JAKMIP1: variants seen among roughly 807,000 people sequenced by gnomAD.
The protein encoded by JAKMIP1 is janus kinase and microtubule interacting protein 1, also known as janus kinase and microtubule-interacting protein 1.
A neutral mutation model predicts 113.0 loss-of-function variants in JAKMIP1; 33 were observed. That is an observed-to-expected ratio of 0.29 (90% CI 0.22 to 0.39). JAKMIP1 has a LOEUF of 0.39. Ranked by LOEUF, JAKMIP1 falls within the 10% of genes least tolerant of loss-of-function variation. The probability of loss-of-function intolerance (pLI) is 1.00; values close to 1 mark genes in which losing one functional copy is unlikely to be tolerated. For synonymous variants in JAKMIP1, 480 were observed against 459.9 expected (o/e 1.04, Z -0.56); for missense variants, 813 against 1,080.5 (o/e 0.75, Z 3.47).
chr4:6,165,069 T>C (rs1049073033), intron 1 of JAKMIP1, among the ~76,000 whole-genome samples: 2 of 152,216 alleles, frequency 1.3e-5, no homozygotes, highest in African/African-American at 4.8e-5. Context: ...CCAAGTATTG[T>C]GTGCTACAGA....
chr4:6,038,214 C>T (rs1368758478), intron 18 of JAKMIP1, among the ~76,000 whole-genome samples: 3 of 143,810 alleles, frequency 2.1e-5, no homozygotes, highest in Admixed American at 1.4e-4. Flanking sequence ...GAGGCAGAGG[C>T]TAACCAGTAG....
rs549711359 is a variant in JAKMIP1 at position 6,178,792 on chromosome 4, G to T, written c.-148+21461C>A. On this transcript the variant is annotated intron_variant, in intron 1 of 20. Transcript: ENST00000409021. The surrounding 1 kb of genome is among the most constrained non-coding windows in gnomAD (Gnocchi z 5.5). ...ATTCTCTAGGTCATGTCTCCAGAGAGGCTTCCACTGACCTCATCCCCACAC... is the reference window on the plus strand; with the variant it reads ...ATTCTCTAGGTCATGTCTCCAGAGATGCTTCCACTGACCTCATCCCCACAC... 5.8e-4 allele frequency among the ~76,000 whole-genome samples: 89 copies of T among 152,276 alleles called. 1 individual carries two copies. Among genetic ancestry groups the T allele is most frequent in the African/African-American group, 2.1e-3 (88 of 41,556 alleles).
rs115177427 is a variant in JAKMIP1, at chr4:6,166,816, G to T, written c.-148+33437C>A. Among the ~76,000 whole-genome samples the T allele has an allele frequency of 3.2e-3, 493 of 152,246 alleles. 4 individuals are homozygous for T. The highest frequency in any genetic ancestry group is 0.011 in the African/African-American group (477 of 41,542). On this transcript the variant is annotated intron_variant, in intron 1 of 20. Transcript: ENST00000409021. ...CCTAAAGGCTAAAGCACAGGTTCCA[G>T]GCTCACCTCACCAGCTCTGTGGTCT...
intron 1 of JAKMIP1, among the ~76,000 whole-genome samples, chr4:6,163,283 C>T (rs1403782146): frequency 6.6e-6 from 1 of 151,694 alleles, no homozygotes; most frequent in Non-Finnish European, 1.5e-5. Flanking sequence ...CAACAGCCCA[C>T]CTCGTGTCTC....
At position 6,162,187 on chromosome 4, in the gene JAKMIP1, C is replaced by G. The variant is rs559495947; in HGVS notation, c.-148+38066G>C. On this transcript the variant is annotated intron_variant, in intron 1 of 20. Coordinates refer to ENST00000409021, the MANE Select transcript of JAKMIP1 (RefSeq NM_001099433.2). The surrounding 1 kb of genome is among the most constrained non-coding windows in gnomAD (Gnocchi z 5.6). ...AAGGGGCTGTGAGCTTGGACCTCGT[C>G]CCACTAGAGGGCAGTGGGAGCGACT... 1.5e-4 allele frequency among the ~76,000 whole-genome samples: 23 copies of G among 152,206 alleles called. No homozygotes were observed. In the South Asian group the frequency reaches 3.9e-3, roughly 26 times the overall value.
At chr4:6,133,186 C>T (rs1293169991) in intron 1 of JAKMIP1, among the ~76,000 whole-genome samples, 1 of 152,082 alleles carries the variant, frequency 6.6e-6, no homozygotes, top group African/African-American at 2.4e-5. Context: ...AAGACAATGC[C>T]CATGCCAGCC....
Position 6,157,425 on chromosome 4 carries a change from A to G in JAKMIP1, c.-148+42828T>C, listed in dbSNP as rs1722387231. On this transcript the variant is annotated intron_variant, in intron 1 of 20. Coordinates refer to ENST00000409021, the MANE Select transcript of JAKMIP1 (RefSeq NM_001099433.2). The surrounding 1 kb of genome is among the most constrained non-coding windows in gnomAD (Gnocchi z 4.7). Reference sequence around the variant, plus strand: ...CTGAAAAGCAGCAATTTCTATGGTAATTCAGGTAATTTGTGATATTTAGGA... The same window carrying G: ...CTGAAAAGCAGCAATTTCTATGGTAGTTCAGGTAATTTGTGATATTTAGGA... Among the ~76,000 whole-genome samples the G allele has an allele frequency of 6.6e-6, 1 of 152,200 alleles. No homozygotes were observed. Among genetic ancestry groups the G allele is most frequent in the Non-Finnish European group, 1.5e-5 (1 of 68,022 alleles).
At position 6,038,862 on chromosome 4, in the gene JAKMIP1, G is replaced by A. The variant is rs188753314; in HGVS notation, c.2175+1777C>T. Among the ~76,000 whole-genome samples, 8 of 152,284 alleles carry A rather than the reference G, an allele frequency of 5.3e-5. No homozygotes were observed. In the East Asian group the frequency reaches 7.7e-4, roughly 15 times the overall value. On this transcript the variant is annotated intron_variant, in intron 18 of 20. Coordinates refer to ENST00000409021, the MANE Select transcript of JAKMIP1 (RefSeq NM_001099433.2). ...GCGTGGCCAGTTTCCAGATAGAAAC[G>A]CACCACTCGATTCTGGAAATCCCGT...
rs1715459936 is a variant in JAKMIP1 at position 6,050,038 on chromosome 4, A to G, written c.1909-166T>C. Among the ~76,000 whole-genome samples, 2 of 152,194 alleles carry G rather than the reference A, an allele frequency of 1.3e-5. No individual in the cohort carries two copies. The highest frequency in any genetic ancestry group is 2.9e-5 in the Non-Finnish European group (2 of 68,042). ...CTCTGGGGAGTGAGGGAGAGAAGGCATAACTGCTGCTCATTTGCTGAGTGT... is the reference window on the plus strand; with the variant it reads ...CTCTGGGGAGTGAGGGAGAGAAGGCGTAACTGCTGCTCATTTGCTGAGTGT... On this transcript the variant is annotated intron_variant, in intron 14 of 20. Transcript: ENST00000409021. This position sits in a 1 kb window ranked among gnomAD's most constrained non-coding sequence, Gnocchi z 7.4.
At chr4:6,028,062 T>C (rs964158543) in intron 20 of JAKMIP1, among the ~76,000 whole-genome samples, 5 of 152,052 alleles carry the variant, frequency 3.3e-5, no homozygotes, top group African/African-American at 1.2e-4. Flanking sequence ...TAGCAGCACA[T>C]GAGAACACCA....
At position 6,027,071 on chromosome 4, in the gene JAKMIP1, G is replaced by GA. The variant is rs112112428; in HGVS notation, c.2446-794dup. 2.4e-3 allele frequency among the ~76,000 whole-genome samples: 363 copies of GA among 148,990 alleles called. 3 individuals are homozygous for GA. The highest frequency in any genetic ancestry group is 1.7e-3 in the Non-Finnish European group (113 of 67,304). On this transcript the variant is annotated intron_variant, in intron 20 of 20. Coordinates refer to ENST00000409021, the MANE Select transcript of JAKMIP1 (RefSeq NM_001099433.2). The stretch of plus-strand genomic sequence containing the variant: ...GCCATTTGATTAGTCTACTTATACA[G>GA]AGAAAAAAAAAATCAGGGAAAGACG...
chr4:6,132,577 G>T (rs1718650437), intron 1 of JAKMIP1, among the ~76,000 whole-genome samples: 1 of 151,492 alleles, frequency 6.6e-6, no homozygotes, highest in Non-Finnish European at 1.5e-5. Flanking sequence ...GGGATGTGGA[G>T]GTTGCAGTGA....
chr4:6,196,383 A>G (rs9291113), intron 1 of JAKMIP1, among the ~76,000 whole-genome samples: 137,703 of 152,188 alleles, frequency 0.9, 62,508 homozygotes, highest in East Asian at 1. Context: ...CCCCCTGCAC[A>G]GTCCACCTGG....
intron 2 of JAKMIP1, among the ~76,000 whole-genome samples, chr4:6,111,266 T>C (rs1373397107): frequency 6.6e-6 from 1 of 152,142 alleles, no homozygotes; most frequent in Non-Finnish European, 1.5e-5. Flanking sequence ...TCACTCCAGG[T>C]ACTACAGCAG....
rs1339961113 is a variant in JAKMIP1 at position 6,040,980 on chromosome 4, G to A, written c.2098-264C>T. ...TTCCCTGCCTCTTGGGTACCTGACTGTAAAGAAGGGACCCACCTCAAACCA... is the reference window on the plus strand; with the variant it reads ...TTCCCTGCCTCTTGGGTACCTGACTATAAAGAAGGGACCCACCTCAAACCA... On this transcript the variant is annotated intron_variant, in intron 17 of 20. Coordinates refer to ENST00000409021, the MANE Select transcript of JAKMIP1 (RefSeq NM_001099433.2). The surrounding 1 kb of genome is among the most constrained non-coding windows in gnomAD (Gnocchi z 5.8). 6.6e-6 allele frequency among the ~76,000 whole-genome samples: 1 copy of A among 152,074 alleles called. No individual in the cohort carries two copies. Among genetic ancestry groups the A allele is most frequent in the Admixed American group, 6.5e-5 (1 of 15,272 alleles).
chr4:6,037,365 C>T (rs71599865), intron 18 of JAKMIP1, among the ~76,000 whole-genome samples: 4 of 111,254 alleles, frequency 3.6e-5, no homozygotes, highest in Non-Finnish European at 5.2e-5. Flanking sequence ...CCTCCATCAC[C>T]GAGGCAGAGG....
intron 2 of JAKMIP1, among the ~76,000 whole-genome samples, chr4:6,109,493 CT>C (rs1714563322): frequency 6.6e-6 from 1 of 151,830 alleles, no homozygotes; most frequent in African/African-American, 2.4e-5. Context: ...AAAACTGCCC[CT>C]GTGAAGCCTT....
intron 1 of JAKMIP1, among the ~76,000 whole-genome samples, chr4:6,152,881 G>C (rs1422665378): frequency 6.6e-6 from 1 of 151,274 alleles, no homozygotes; most frequent in East Asian, 1.9e-4. Context: ...TGAGGCAGGA[G>C]AATCACTTGA....
intron 3 of JAKMIP1, among the ~76,000 whole-genome samples, chr4:6,091,083 G>A (rs2108842424): frequency 6.6e-6 from 1 of 152,346 alleles, no homozygotes; most frequent in South Asian, 2.1e-4. Flanking sequence ...GAAACCAGCA[G>A]CCCATCTTCT....
Sources: allele counts gnomAD v4.1 joint callset (sites outside exome capture counted in the v4.1 genomes callset), GRCh38; gene constraint gnomAD v4.1.1; non-coding constraint Gnocchi (gnomAD v3.1); transcripts MANE v1.5; gene names NCBI Gene and HGNC (gene_info 2026-07-23, HGNC 2026-07-21).